The following MAD1L1 variants were observed in gnomAD, a reference collection of about 807,000 sequenced individuals.
MAD1L1 encodes mitotic spindle assembly checkpoint protein MAD1.
MAD1L1 carries 95 observed loss-of-function variants against 96.9 expected under a neutral mutation model. That is an observed-to-expected ratio of 0.98 (90% CI 0.83 to 1.16). The LOEUF is 1.16. Among genes scored for constraint, MAD1L1 ranks in the 50% most tolerant of loss-of-function variants. MAD1L1 has a pLI of 0.00. For synonymous variants in MAD1L1, 473 were observed against 396.6 expected, an observed-to-expected ratio of 1.19 and a Z score of -2.29; for missense variants, 1,007 against 954.4, an observed-to-expected ratio of 1.06 and a Z score of -0.73.
At chr7:2,167,730 T>TA (rs994390654) in intron 10 of MAD1L1, among the ~76,000 whole-genome samples, 1,579 of 143,864 alleles carry the variant, frequency 0.011, 18 homozygotes, top group African/African-American at 0.033. Context: ...TTAAAAAAAT[T>TA]AAAAAAAAAA....
Position 1,919,286 on chromosome 7 carries a change from C to A in MAD1L1, c.1807+17401G>T, listed in dbSNP as rs180771673. On this transcript the variant is annotated intron_variant, in intron 17 of 18. Transcript: ENST00000265854. ...TCCATCCAAGCCTTCTGACCTCAGG[C>A]TCCCAGGCCGTCCAACACGGCTGCC... Among the ~76,000 whole-genome samples the A allele has an allele frequency of 1.5e-3, 229 of 152,370 alleles. 1 individual carries two copies. The highest frequency in any genetic ancestry group is 5.3e-3 in the African/African-American group (219 of 41,592).
At chr7:1,886,721 A>G (rs1786056048) in intron 18 of MAD1L1, among the ~76,000 whole-genome samples, 1 of 152,266 alleles carries the variant, frequency 6.6e-6, no homozygotes, top group Admixed American at 6.5e-5. Context: ...GACCCTGGGC[A>G]GGCCCTGCTC....
intron 17 of MAD1L1, among the ~76,000 whole-genome samples, chr7:1,920,908 C>T (rs535540854): frequency 1.3e-5 from 2 of 148,492 alleles, no homozygotes; most frequent in South Asian, 2.1e-4. Flanking sequence ...ATTCACGGGA[C>T]ATCCGGTCCA....
chr7:2,033,121 C>G (rs946592994), intron 12 of MAD1L1, among the ~76,000 whole-genome samples: 1 of 152,254 alleles, frequency 6.6e-6, no homozygotes, highest in Admixed American at 6.5e-5. Flanking sequence ...AGCCCAGCAC[C>G]CCACTCATAC....
At chr7:1,824,822 A>G (rs1782306902) in intron 18 of MAD1L1, among the ~76,000 whole-genome samples, 1 of 152,064 alleles carries the variant, frequency 6.6e-6, no homozygotes, top group South Asian at 2.1e-4. Context: ...GGGCGTCTCA[A>G]GTTGAGAATC....
rs1173456364 is a variant in MAD1L1, at chr7:1,847,479, C to T, written c.1999-31251G>A. 6.4e-6 allele frequency: 3 copies of T among 471,018 alleles called. No homozygotes were observed. In the Admixed American group the frequency reaches 7.0e-5, roughly 11 times the overall value. 29.2% of individuals were successfully genotyped at this position (471,018 alleles called of 1,614,324 possible). A position where few individuals can be genotyped will look rare whatever the true frequency, so the allele number is the denominator to read the frequency against. ...GTCCTCTGTCCCACACAACCCAGCC[C>T]CCACTGGGCGGCCACTGCAGGGGAA... On this transcript the variant is annotated intron_variant, in intron 18 of 18. Transcript: ENST00000265854.
intron 15 of MAD1L1, among the ~76,000 whole-genome samples, chr7:1,969,108 G>A (rs1390060432): frequency 6.6e-6 from 1 of 152,226 alleles, no homozygotes; most frequent in Non-Finnish European, 1.5e-5. Flanking sequence ...TGTTGGCCAG[G>A]TGTGGTGGCT....
rs755570163 is a variant in MAD1L1 at position 2,222,731 on chromosome 7, C to G, written c.315G>C (p.Glu105Asp). 1 of 1,605,404 alleles carries G rather than the reference C, an allele frequency of 6.2e-7. No homozygotes were observed. Among genetic ancestry groups the G allele is most frequent in the Non-Finnish European group, 8.5e-7 (1 of 1,178,952 alleles). The change falls in exon 5 of 19, where the codon GAG (glutamate) becomes GAC (aspartate). Residue 105 changes from glutamate (E) to aspartate (D), a missense_variant. Coordinates refer to ENST00000265854, the MANE Select transcript of MAD1L1 (RefSeq NM_001013836.2). ...GAAGCTGCCGGATGCGCGTCAGGAG[C>G]TCCTGGTTGCGGTCGACCTCACGCT... ...NYEREVDRNQ[E>D]LLTRIRQLQE...
At chr7:1,935,456 G>A (rs151044488) in intron 17 of MAD1L1, among the ~76,000 whole-genome samples, 1,741 of 152,242 alleles carry the variant, frequency 0.011, 20 homozygotes, top group Non-Finnish European at 0.018. Flanking sequence ...CACACCACCC[G>A]CTAGCCAGCC....
At chr7:2,052,712 G>T (rs765948916) in intron 12 of MAD1L1, among the ~76,000 whole-genome samples, 8 of 152,200 alleles carry the variant, frequency 5.3e-5, no homozygotes, top group Non-Finnish European at 1.2e-4. Context: ...TTATAAAGGG[G>T]TACACCATCA....
chr7:2,218,134 C>G lies in MAD1L1; in HGVS notation c.597-91G>C, dbSNP rs1005881555. On this transcript the variant is annotated intron_variant, in intron 6 of 18. Coordinates refer to ENST00000265854, the MANE Select transcript of MAD1L1 (RefSeq NM_001013836.2). ...CCTGAGACCCGCCCCAGCACAGACCCACATACGTTCATTCCCACCCCAAGG... is the reference window on the plus strand; with the variant it reads ...CCTGAGACCCGCCCCAGCACAGACCGACATACGTTCATTCCCACCCCAAGG... 3.2e-6 allele frequency: 3 copies of G among 937,986 alleles called. No individual in the cohort carries two copies. The African/African-American group carries it at 4.8e-5, about 15-fold the overall frequency. The allele number at this position is 937,986 out of a possible 1,614,324, so 58.1% of individuals were successfully genotyped here.
chr7:2,015,600 T>C (rs1351803530), intron 12 of MAD1L1, among the ~76,000 whole-genome samples: 5 of 152,238 alleles, frequency 3.3e-5, no homozygotes, highest in African/African-American at 1.2e-4. Context: ...CTGCACTCCC[T>C]GCCCCAGGTG....
rs566961855 is a variant in MAD1L1 at position 1,869,307 on chromosome 7, T to G, written c.1998+28893A>C. 2.6e-5 allele frequency among the ~76,000 whole-genome samples: 4 copies of G among 152,170 alleles called. No homozygotes were observed. In the South Asian group the frequency reaches 8.3e-4, roughly 32 times the overall value. ...CCTCCCACAGCCTCTCCCAGAGGCC[T>G]CTCTGAGTTCCCAGCATCTACCTCG... On this transcript the variant is annotated intron_variant, in intron 18 of 18. Transcript: ENST00000265854.
At chr7:1,817,297 T>C (rs1781863240) in intron 18 of MAD1L1, among the ~76,000 whole-genome samples, 1 of 151,594 alleles carries the variant, frequency 6.6e-6, no homozygotes, top group Non-Finnish European at 1.5e-5. Context: ...GGACGCAGAG[T>C]CCATGGGCCC....
chr7:1,996,956 A>G (rs571142645), intron 14 of MAD1L1, among the ~76,000 whole-genome samples: 5 of 152,266 alleles, frequency 3.3e-5, no homozygotes, highest in Non-Finnish European at 7.4e-5. Flanking sequence ...AGGATATTTT[A>G]GAGCTGTAAT....
chr7:1,836,865 G>A (rs1480090713), intron 18 of MAD1L1, among the ~76,000 whole-genome samples: 1 of 151,812 alleles, frequency 6.6e-6, no homozygotes, highest in African/African-American at 2.4e-5. Flanking sequence ...AAAACTTCTA[G>A]AAGAAAAAAA....
At chr7:2,169,126 T>A (rs1790583853) in intron 10 of MAD1L1, among the ~76,000 whole-genome samples, 1 of 152,132 alleles carries the variant, frequency 6.6e-6, no homozygotes, top group African/African-American at 2.4e-5. Flanking sequence ...AGGACAAGCG[T>A]GGGATGGCCT....
chr7:1,839,733 ATCCCCCCCGCC>A (rs926997091), intron 18 of MAD1L1, among the ~76,000 whole-genome samples: 1 of 151,952 alleles, frequency 6.6e-6, no homozygotes, highest in African/African-American at 2.4e-5. Flanking sequence ...CAGTTAGAAC[ATCCCCCCCGCC>A]TCCCCCCGGC....
In MAD1L1 at chr7:2,230,109, T is replaced by C. The variant is rs1794118156; in HGVS notation, c.25A>G (p.Met9Val). MEDLGENT[M>V]VLSTLRSLNN... is the part of the protein sequence containing the mutation. Reference sequence around the variant, plus strand: ...AAAGATCTCAGGGTGGATAAAACCATGGTGTTTTCCCCCAGGTCTTCCATG... The same window carrying C: ...AAAGATCTCAGGGTGGATAAAACCACGGTGTTTTCCCCCAGGTCTTCCATG... The change falls in exon 3 of 19, where the codon ATG becomes GTG. Residue 9 changes from methionine to valine, a missense_variant. By Grantham distance (21) the Met-to-Val change is conservative (BLOSUM62 1). Transcript: ENST00000265854. The C allele has an allele frequency of 6.2e-7, 1 of 1,603,278 alleles. No homozygotes were observed. The highest frequency in any genetic ancestry group is 8.5e-7 in the Non-Finnish European group (1 of 1,174,804).
Sources: allele counts gnomAD v4.1 joint callset (sites outside exome capture counted in the v4.1 genomes callset), GRCh38; gene constraint gnomAD v4.1.1; transcripts MANE v1.5; gene names NCBI Gene and HGNC (gene_info 2026-07-23, HGNC 2026-07-21).